The following TSPEAR variants were observed in gnomAD, a reference collection of about 807,000 sequenced individuals.
The protein encoded by TSPEAR is thrombospondin-type laminin G domain and EAR repeat-containing protein.
A neutral mutation model predicts 71.6 loss-of-function variants in TSPEAR; 69 were observed. That is an observed-to-expected ratio of 0.96 (90% CI 0.79 to 1.18). TSPEAR has a LOEUF of 1.18. Among genes scored for constraint, TSPEAR ranks in the 50% most tolerant of loss-of-function variants. The pLI is 0.00. For synonymous variants in TSPEAR, 402 were observed against 387.2 expected (o/e 1.04, Z -0.45); for missense variants, 971 against 894.9 (o/e 1.09, Z -1.09).
intron 1 of TSPEAR, among the ~76,000 whole-genome samples, chr21:44,639,533 C>T (rs1454948830): frequency 2.6e-5 from 4 of 152,168 alleles, no homozygotes; most frequent in Non-Finnish European, 5.9e-5. Flanking sequence ...ACAGCCTTGT[C>T]CACCTCCTTG....
chr21:44,628,298 G>A (rs1601505071), intron 1 of TSPEAR: 2 of 385,564 alleles, frequency 5.2e-6, no homozygotes, highest in East Asian at 7.1e-5. Flanking sequence ...GCTGGTTGGG[G>A]ACGGGCCCTC....
intron 10 of TSPEAR, among the ~76,000 whole-genome samples, chr21:44,507,326 G>A (rs1460602724): frequency 2.6e-5 from 4 of 152,140 alleles, no homozygotes; most frequent in African/African-American, 4.8e-5. Context: ...AAACACAAGC[G>A]ACCATTTGAA....
In TSPEAR at chr21:44,525,828, T is replaced by A; in HGVS notation, c.1161A>T (p.Ala387=). ...HFTIGKKIFL[A]VANFEPDEKG... The stretch of plus-strand genomic sequence containing the variant: ...TCTCATCTGGTTCAAAATTAGCCAC[T>A]GCCAGGAAGATCTGAAAGAGAGTAA... The change falls in exon 8 of 12, where the codon GCA becomes GCT. Residue 387 remains alanine, a synonymous_variant. Transcript: ENST00000323084. 1 of 1,614,096 alleles carries A rather than the reference T, an allele frequency of 6.2e-7. No individual in the cohort carries two copies.
chr21:44,501,349 A>G (rs587708609), intron 11 of TSPEAR, among the ~76,000 whole-genome samples: 1 of 152,278 alleles, frequency 6.6e-6, no homozygotes, highest in Non-Finnish European at 1.5e-5. Flanking sequence ...TAATCCCAGC[A>G]CTTTGGGAGG....
chr21:44,679,251 G>A (rs1379540927), intron 1 of TSPEAR, among the ~76,000 whole-genome samples: 1 of 152,022 alleles, frequency 6.6e-6, no homozygotes, highest in African/African-American at 2.4e-5. Flanking sequence ...TGAACTTTGG[G>A]GGTAGGTTTG....
chr21:44,508,627 C>T (rs1438886695), intron 10 of TSPEAR: 2 of 1,183,386 alleles, frequency 1.7e-6, no homozygotes, highest in African/African-American at 3.2e-5. Context: ...CCCACGCAAC[C>T]TCCTGTGGCT....
intron 2 of TSPEAR, chr21:44,558,799 C>G (rs587638857): frequency 1.3e-6 from 2 of 1,517,038 alleles, no homozygotes; most frequent in South Asian, 2.6e-5. Context: ...GTGATCGTGC[C>G]AGGCCTCTGA....
intron 1 of TSPEAR, among the ~76,000 whole-genome samples, chr21:44,639,875 C>T (rs587598470): frequency 9.2e-5 from 14 of 152,358 alleles, no homozygotes; most frequent in African/African-American, 2.4e-4. Flanking sequence ...GGGAGGATAC[C>T]TCCTGGTGGG....
At chr21:44,541,946 G>C (rs2053228983) in intron 2 of TSPEAR, among the ~76,000 whole-genome samples, 1 of 152,054 alleles carries the variant, frequency 6.6e-6, no homozygotes, top group Non-Finnish European at 1.5e-5. Flanking sequence ...AAAATTACTA[G>C]GGATATTAGA....
intron 9 of TSPEAR, chr21:44,518,668 C>T (rs1373678104): frequency 1.1e-5 from 5 of 470,760 alleles, no homozygotes; most frequent in Admixed American, 7.0e-5. Context: ...GAGGCCCGCC[C>T]CCTGCCCCCC....
At chr21:44,701,207 C>T (rs926279733) in intron 1 of TSPEAR, among the ~76,000 whole-genome samples, 3 of 152,222 alleles carry the variant, frequency 2.0e-5, no homozygotes, top group Admixed American at 1.3e-4. Flanking sequence ...GTGGTCGGGC[C>T]GGGGTGCCCA....
At chr21:44,625,241 T>C (rs1457097641) in intron 1 of TSPEAR, among the ~76,000 whole-genome samples, 3 of 152,080 alleles carry the variant, frequency 2.0e-5, no homozygotes, top group African/African-American at 7.2e-5. Flanking sequence ...CTTTGAAGAA[T>C]GGGAGCTGAG....
At chr21:44,709,769 C>A in intron 1 of TSPEAR, among the ~76,000 whole-genome samples, 1 of 152,386 alleles carries the variant, frequency 6.6e-6, no homozygotes, top group Non-Finnish European at 1.5e-5. Flanking sequence ...ACAGAGCGAG[C>A]GCGCGCCTGT....
At chr21:44,700,125 C>T (rs1323399641) in intron 1 of TSPEAR, among the ~76,000 whole-genome samples, 2 of 152,190 alleles carry the variant, frequency 1.3e-5, no homozygotes, top group Admixed American at 1.3e-4. Context: ...GATTCTTCTA[C>T]AGAATTTTTT....
At chr21:44,595,524 T>C (rs1980306719) in intron 1 of TSPEAR, among the ~76,000 whole-genome samples, 1 of 152,196 alleles carries the variant, frequency 6.6e-6, no homozygotes, top group Admixed American at 6.5e-5. Context: ...AGAGCCTGAA[T>C]GAAGTTGGTT....
chr21:44,625,886 C>A (rs930389164), intron 1 of TSPEAR, among the ~76,000 whole-genome samples: 8 of 152,176 alleles, frequency 5.3e-5, no homozygotes, highest in Non-Finnish European at 1.0e-4. Context: ...CTCCCTGGGA[C>A]ACCACACTTT....
At chr21:44,562,041 ATC>A (rs1241850771) in intron 2 of TSPEAR, among the ~76,000 whole-genome samples, 30 of 152,284 alleles carry the variant, frequency 2.0e-4, no homozygotes, top group Admixed American at 7.2e-4. Context: ...AAGCCAAATT[ATC>A]TCTGTTTGCA....
intron 9 of TSPEAR, among the ~76,000 whole-genome samples, chr21:44,512,411 A>AC (rs1291724800): frequency 1.3e-4 from 19 of 151,362 alleles, no homozygotes; most frequent in African/African-American, 4.4e-4. Flanking sequence ...GCTTCTGGAG[A>AC]CCCCTCAGAG....
chr21:44,625,321 G>A (rs587667192), intron 1 of TSPEAR, among the ~76,000 whole-genome samples: 55 of 152,296 alleles, frequency 3.6e-4, no homozygotes, highest in South Asian at 2.5e-3. Flanking sequence ...GGCCACGCAC[G>A]GTGGCTTACG....
Sources: allele counts gnomAD v4.1 joint callset (sites outside exome capture counted in the v4.1 genomes callset), GRCh38; gene constraint gnomAD v4.1.1; transcripts MANE v1.5; gene names NCBI Gene and HGNC (gene_info 2026-07-23, HGNC 2026-07-21).